UTP25: variants seen among roughly 807,000 people sequenced by gnomAD.
UTP25 encodes the protein UTP25 small subunit processome component, also known as U3 small nucleolar RNA-associated protein 25 homolog.
In UTP25, 50 loss-of-function variants were observed where a neutral mutation model predicts 78.9. That is an observed-to-expected ratio of 0.63 (90% confidence interval 0.50 to 0.80). The LOEUF is 0.80. Among genes scored for constraint, UTP25 ranks in the 30% least tolerant of loss-of-function variants. UTP25 has a pLI of 0.00. For synonymous variants in UTP25, 329 were observed against 336.5 expected, an observed-to-expected ratio of 0.98 and a Z score of 0.24; for missense variants, 846 against 911.3, an observed-to-expected ratio of 0.93 and a Z score of 0.92.
chr1:209,845,275 T>C (rs2078191390), intron 11 of UTP25, among the ~76,000 whole-genome samples: 1 of 152,238 alleles, frequency 6.6e-6, no homozygotes, highest in Non-Finnish European at 1.5e-5. Flanking sequence ...GAATGCCTGC[T>C]TGTTGCCCTC....
At position 209,851,480 on chromosome 1, in the gene UTP25, G is replaced by T; in HGVS notation, c.*33G>T. 2 of 1,569,162 alleles carry T rather than the reference G, an allele frequency of 1.3e-6. No individual in the cohort carries two copies. The highest frequency in any genetic ancestry group is 1.7e-6 in the Non-Finnish European group (2 of 1,158,300). ...TTGGGCAGGAAGTGGTATTTGGCATGATACATAATGTTTGATTCTATGCCA... is the reference window on the plus strand; with the variant it reads ...TTGGGCAGGAAGTGGTATTTGGCATTATACATAATGTTTGATTCTATGCCA... On this transcript the variant is annotated 3_prime_UTR_variant, in exon 12 of 12. Transcript: ENST00000491415.
intron 8 of UTP25, among the ~76,000 whole-genome samples, chr1:209,841,535 C>T (rs917369531): frequency 2.0e-5 from 3 of 152,098 alleles, no homozygotes; most frequent in African/African-American, 7.2e-5. Context: ...CTTTATTACC[C>T]GATGTAATTT....
intron 11 of UTP25, among the ~76,000 whole-genome samples, chr1:209,850,296 G>A (rs2078223418): frequency 6.6e-6 from 1 of 152,186 alleles, no homozygotes; most frequent in African/African-American, 2.4e-5. Flanking sequence ...TTTATGGAAA[G>A]GATGTTGAAA....
chr1:209,854,177 T>G lies in UTP25; in HGVS notation c.*2730T>G, dbSNP rs1313573215. 3 of 152,282 alleles carry G rather than the reference T, an allele frequency of 2.0e-5. No individual in the cohort carries two copies. The highest frequency in any genetic ancestry group is 1.5e-5 in the Non-Finnish European group (1 of 68,026). 9.4% of individuals were successfully genotyped at this position (152,282 alleles called of 1,614,324 possible). A position where few individuals can be genotyped will look rare whatever the true frequency, so the allele number is the denominator to read the frequency against. ...CATTTGCAGCAAGCAAGTGCCTATA[T>G]AGGGTCTGAAATATAGACAAAGGAT... is the stretch of plus-strand genomic sequence containing the variant. On this transcript the variant is annotated 3_prime_UTR_variant, in exon 12 of 12. Coordinates refer to ENST00000491415, the MANE Select transcript of UTP25 (RefSeq NM_014388.7).
At chr1:209,849,285 T>C (rs1320430859) in intron 11 of UTP25, among the ~76,000 whole-genome samples, 7 of 152,258 alleles carry the variant, frequency 4.6e-5, no homozygotes, top group African/African-American at 1.7e-4. Flanking sequence ...GTGAAGTGTA[T>C]ACAGCTTCTT....
In UTP25 at chr1:209,856,590, G is replaced by A. The variant is rs1047450428; in HGVS notation, c.*5143G>A. The A allele has an allele frequency of 6.6e-6, 1 of 152,248 alleles. No homozygotes were observed. The highest frequency in any genetic ancestry group is 6.5e-5 in the Admixed American group (1 of 15,280). 9.4% of individuals were successfully genotyped at this position (152,248 alleles called of 1,614,324 possible). A position where few individuals can be genotyped will look rare whatever the true frequency, so the allele number is the denominator to read the frequency against. On this transcript the variant is annotated 3_prime_UTR_variant, in exon 12 of 12. Transcript: ENST00000491415. ...TGGTATTCCTGTGCACTACTGTTAC[G>A]TGAACACACAAACACCTAATTTGTT...
rs770855219 is a variant in UTP25 at position 209,830,797 on chromosome 1, T to G, written c.148-6T>G. The G allele has an allele frequency of 1.7e-5, 27 of 1,611,106 alleles. No homozygotes were observed. The highest frequency in any genetic ancestry group is 2.0e-5 in the Non-Finnish European group (24 of 1,178,680). On this transcript the variant is annotated splice_region_variant and splice_polypyrimidine_tract_variant and intron_variant, in intron 2 of 11. Transcript: ENST00000491415. ...TTTGTTCTTAAAATTCTCCTTTTCC[T>G]TTTAGTCAGAGAGTTCAGATTCTTC...
At chr1:209,843,248 A>G in intron 10 of UTP25, 1 of 620,158 alleles carries the variant, frequency 1.6e-6, no homozygotes, top group Non-Finnish European at 2.8e-6. Context: ...GTTTTTTACA[A>G]TGAATAGTGT....
Position 209,831,992 on chromosome 1 carries a change from AT to A in UTP25, c.388+959del, listed in dbSNP as rs35262345. On this transcript the variant is annotated intron_variant, in intron 3 of 11. Transcript: ENST00000491415. ...TAATGCCTATTTTTCTTATAGCCTT[AT>A]TTTTTTTTTATACCTTCTGGTATTA... 6.6e-3 allele frequency among the ~76,000 whole-genome samples: 984 copies of A among 148,366 alleles called. 13 individuals are homozygous for A. Among genetic ancestry groups the A allele is most frequent in the Non-Finnish European group, 7.0e-3 (470 of 66,860 alleles).
In UTP25 at chr1:209,842,297, G is replaced by A; in HGVS notation, c.1518G>A (p.Leu506=). 6.2e-7 allele frequency: 1 copy of A among 1,613,880 alleles called. No homozygotes were observed. The highest frequency in any genetic ancestry group is 1.1e-5 in the South Asian group (1 of 91,082). The change falls in exon 9 of 12, where the codon CTG becomes CTA. Residue 506 remains leucine, a synonymous_variant. Transcript: ENST00000491415. Reference sequence around the variant, plus strand: ...TGAATCACATGAACCTACTACCCCTGGACTCACATGGGGTAGACTTTTCTC... The same window carrying A: ...TGAATCACATGAACCTACTACCCCTAGACTCACATGGGGTAGACTTTTCTC... ...HLMNHMNLLP[L]DSHGVDFSRV...
chr1:209,837,958 C>G (rs2078143648), intron 6 of UTP25, among the ~76,000 whole-genome samples: 2 of 152,076 alleles, frequency 1.3e-5, no homozygotes, highest in South Asian at 4.2e-4. Flanking sequence ...CTAATGTGGC[C>G]TTTAGAGATT....
At position 209,831,652 on chromosome 1, in the gene UTP25, A is replaced by G. The variant is rs550357615; in HGVS notation, c.388+609A>G. Among the ~76,000 whole-genome samples, 6 of 152,352 alleles carry G rather than the reference A, an allele frequency of 3.9e-5. No homozygotes were observed. The South Asian group carries it at 1.0e-3, about 26-fold the overall frequency. On this transcript the variant is annotated intron_variant, in intron 3 of 11. Coordinates refer to ENST00000491415, the MANE Select transcript of UTP25 (RefSeq NM_014388.7). ...CAGTCTGACAGGTTTTGACAAAGGT[A>G]TACATCCAAATCAAGATACAGAACA...
At chr1:209,837,601 T>C (rs906539786) in intron 6 of UTP25, among the ~76,000 whole-genome samples, 7 of 152,204 alleles carry the variant, frequency 4.6e-5, no homozygotes, top group Non-Finnish European at 8.8e-5. Flanking sequence ...TAGAAATTCA[T>C]AGAGGGCCTT....
intron 1 of UTP25, among the ~76,000 whole-genome samples, chr1:209,829,687 T>C (rs2078092249): frequency 6.6e-6 from 1 of 151,966 alleles, no homozygotes; most frequent in South Asian, 2.1e-4. Flanking sequence ...GGTCTCCGTA[T>C]GTTACCCAGG....
At chr1:209,849,546 G>T (rs1254166139) in intron 11 of UTP25, among the ~76,000 whole-genome samples, 2 of 151,900 alleles carry the variant, frequency 1.3e-5, no homozygotes, top group African/African-American at 4.8e-5. Context: ...CTTCTCCCCC[G>T]TGTGCTTCAC....
intron 4 of UTP25, 109 bp from the exon 5 acceptor site, chr1:209,834,966 A>G: frequency 1.2e-6 from 1 of 801,716 alleles, no homozygotes; most frequent in Non-Finnish European, 1.9e-6. Flanking sequence ...AAGTCAATGG[A>G]GAAAAGGATG....
chr1:209,850,315 A>T (rs957774711), intron 11 of UTP25, among the ~76,000 whole-genome samples: 2 of 152,224 alleles, frequency 1.3e-5, no homozygotes, highest in Non-Finnish European at 2.9e-5. Context: ...AAGGTGAACC[A>T]CATAATAGAT....
chr1:209,833,539 C>T (rs657861), intron 4 of UTP25, among the ~76,000 whole-genome samples, 181 bp downstream of exon 4: 1 of 151,962 alleles, frequency 6.6e-6, no homozygotes, highest in Non-Finnish European at 1.5e-5. Context: ...AGGGGTTGGA[C>T]GGGACATTTA....
chr1:209,851,545 T>TACAA lies in UTP25; in HGVS notation c.*100_*103dup. 2 of 1,450,750 alleles carry TACAA rather than the reference T, an allele frequency of 1.4e-6. No homozygotes were observed. The highest frequency in any genetic ancestry group is 1.8e-6 in the Non-Finnish European group (2 of 1,083,018). 89.9% of individuals were successfully genotyped at this position (1,450,750 alleles called of 1,614,324 possible). ...TGATTACTTACAGAAGAAGGACTGA[T>TACAA]ACAAAGAAAGTGCATGAGGCAATGT... is the stretch of plus-strand genomic sequence containing the variant. On this transcript the variant is annotated 3_prime_UTR_variant, in exon 12 of 12. Coordinates refer to ENST00000491415, the MANE Select transcript of UTP25 (RefSeq NM_014388.7).
Sources: gnomAD v4.1 joint callset for allele counts (sites outside exome capture counted in the v4.1 genomes callset) on GRCh38, gnomAD v4.1.1 for gene constraint, MANE v1.5 for transcripts, NCBI Gene and HGNC (gene_info 2026-07-23, HGNC 2026-07-21) for gene names.